Variants in SGCZ observed in about 807,000 individuals in gnomAD.
SGCZ encodes zeta-sarcoglycan.
Under a neutral mutation model 41.3 loss-of-function variants are expected in SGCZ, and 40 were observed. The observed-to-expected ratio is 0.97, with a 90% CI of 0.75 to 1.26. The LOEUF (loss-of-function observed/expected upper bound fraction) is 1.26, where lower values mean the gene tolerates loss of function less well. Among genes scored for constraint, SGCZ ranks in the 50% most tolerant of loss-of-function variants. The probability of loss-of-function intolerance (pLI) is 0.00; values close to 1 mark genes in which losing one functional copy is unlikely to be tolerated. For missense variants in SGCZ, 552 were observed against 369.8 expected, an observed-to-expected ratio of 1.49 and a Z score of -4.04; for synonymous variants, 206 against 137.5, an observed-to-expected ratio of 1.50 and a Z score of -3.49.
intron 1 of SGCZ, among the ~76,000 whole-genome samples, chr8:14,720,720 T>G (rs1186753325): frequency 6.6e-6 from 1 of 152,044 alleles, no homozygotes; most frequent in African/African-American, 2.4e-5. Context: ...GTTGAGTAGT[T>G]GCAACATAGA....
At chr8:14,712,066 C>G (rs1399221851) in intron 1 of SGCZ, among the ~76,000 whole-genome samples, 3 of 152,150 alleles carry the variant, frequency 2.0e-5, no homozygotes, top group African/African-American at 7.2e-5. Context: ...GTCAGGAGTT[C>G]AAGACCAGCC....
At chr8:14,695,286 T>TAAAGAACCATAAAGA (rs1808923593) in intron 1 of SGCZ, among the ~76,000 whole-genome samples, 2 of 152,052 alleles carry the variant, frequency 1.3e-5, no homozygotes, top group Admixed American at 1.3e-4. Context: ...GAAAAACCTA[T>TAAAGAACCATAAAGA]AACCATAAAG....
At chr8:14,520,998 G>C (rs985155551) in intron 2 of SGCZ, among the ~76,000 whole-genome samples, 2 of 152,048 alleles carry the variant, frequency 1.3e-5, no homozygotes, top group African/African-American at 2.4e-5. Flanking sequence ...TACAATTTTT[G>C]TTTTGAAATT....
chr8:14,876,349 C>T (rs1020352371), intron 1 of SGCZ, among the ~76,000 whole-genome samples: 1 of 152,144 alleles, frequency 6.6e-6, no homozygotes, highest in African/African-American at 2.4e-5. Context: ...GCAGGTAAAG[C>T]TGTGCATAAG....
chr8:14,497,931 C>T lies in SGCZ; in HGVS notation c.234+56801G>A, dbSNP rs562332128. Among the ~76,000 whole-genome samples, 5 of 152,288 alleles carry T rather than the reference C, an allele frequency of 3.3e-5. No homozygotes were observed. The South Asian group carries it at 1.0e-3, about 32-fold the overall frequency. On this transcript the variant is annotated intron_variant, in intron 2 of 7. Transcript: ENST00000382080. ...CAAAATGTTTACAACCATTTACTTT[C>T]CCATCCATTGCCCATAAAGGTTGTT...
At chr8:14,316,481 A>C (rs1259131187) in intron 3 of SGCZ, among the ~76,000 whole-genome samples, 1 of 151,982 alleles carries the variant, frequency 6.6e-6, no homozygotes, top group Non-Finnish European at 1.5e-5. Flanking sequence ...ACTCAACTGT[A>C]ATTTACATGA....
intron 1 of SGCZ, among the ~76,000 whole-genome samples, chr8:14,597,265 T>C (rs972293587): frequency 6.6e-6 from 1 of 152,222 alleles, no homozygotes; most frequent in African/African-American, 2.4e-5. Flanking sequence ...AAGGAAACTT[T>C]GGTGTGTGGC....
At chr8:14,398,703 A>C (rs1319209277) in intron 2 of SGCZ, among the ~76,000 whole-genome samples, 5 of 152,124 alleles carry the variant, frequency 3.3e-5, no homozygotes, top group African/African-American at 1.2e-4. Flanking sequence ...ATTCTTCCTG[A>C]TTTACAGAAA....
rs138279931 is a variant in SGCZ, at chr8:15,111,963, G to A, written c.39+125622C>T. 5.4e-3 allele frequency among the ~76,000 whole-genome samples: 819 copies of A among 151,346 alleles called. 37 individuals are homozygous for A. Among genetic ancestry groups the A allele is most frequent in the Admixed American group, 0.049 (749 of 15,188 alleles). ...TCTTTATTTCATTCCTTCGTTACTT[G>A]GTGCGTTTTGTTCAATTCTTTGTAA... On this transcript the variant is annotated intron_variant, in intron 1 of 7. Transcript: ENST00000382080.
intron 1 of SGCZ, among the ~76,000 whole-genome samples, chr8:15,047,818 C>CA (rs1298879144): frequency 6.6e-6 from 1 of 151,880 alleles, no homozygotes. Flanking sequence ...TGGCTATTAT[C>CA]AAAAAGACAA....
chr8:14,370,105 G>A (rs1227028498), intron 2 of SGCZ, among the ~76,000 whole-genome samples: 1 of 151,964 alleles, frequency 6.6e-6, no homozygotes, highest in Non-Finnish European at 1.5e-5. Flanking sequence ...GTAAGATGAA[G>A]GGGTAAGATG....
intron 2 of SGCZ, among the ~76,000 whole-genome samples, chr8:14,434,894 C>A (rs1025066209): frequency 2.0e-5 from 3 of 152,126 alleles, no homozygotes; most frequent in African/African-American, 7.2e-5. Flanking sequence ...GATCGTGCCA[C>A]TGCACTCAAG....
At chr8:14,894,873 C>A (rs377315344) in intron 1 of SGCZ, among the ~76,000 whole-genome samples, 2 of 152,066 alleles carry the variant, frequency 1.3e-5, no homozygotes, top group East Asian at 3.9e-4. Context: ...GCAGGAGACA[C>A]AAACAATTCA....
intron 2 of SGCZ, among the ~76,000 whole-genome samples, chr8:14,494,393 A>G (rs559393616): frequency 1.3e-5 from 2 of 152,098 alleles, no homozygotes; most frequent in African/African-American, 4.8e-5. Context: ...GAATGTCAGA[A>G]TCCCATGAGC....
chr8:14,290,490 C>T (rs549657560), intron 3 of SGCZ, among the ~76,000 whole-genome samples: 5 of 151,932 alleles, frequency 3.3e-5, no homozygotes, highest in Non-Finnish European at 7.4e-5. Flanking sequence ...AACTCAATAA[C>T]AACAAAATAA....
rs572690345 is a variant in SGCZ at position 14,863,462 on chromosome 8, C to G, written c.40-308536G>C. On this transcript the variant is annotated intron_variant, in intron 1 of 7. Transcript: ENST00000382080. ...ACCTCAGCCTCCCAAGCAGCTGGGACTACAGGTACTCACCACTATGATCAG... is the reference window on the plus strand; with the variant it reads ...ACCTCAGCCTCCCAAGCAGCTGGGAGTACAGGTACTCACCACTATGATCAG... Among the ~76,000 whole-genome samples, 4 of 152,130 alleles carry G rather than the reference C, an allele frequency of 2.6e-5. No homozygotes were observed. The South Asian group carries it at 8.3e-4, about 32-fold the overall frequency.
chr8:14,103,151 A>G (rs1802087095), intron 6 of SGCZ, among the ~76,000 whole-genome samples: 1 of 152,122 alleles, frequency 6.6e-6, no homozygotes, highest in Non-Finnish European at 1.5e-5. Flanking sequence ...TAGGAGGGTA[A>G]TATACAAGTA....
chr8:14,527,451 C>A (rs570730348), intron 2 of SGCZ, among the ~76,000 whole-genome samples: 4 of 152,224 alleles, frequency 2.6e-5, no homozygotes, highest in African/African-American at 9.6e-5. Context: ...ACAGATGTTG[C>A]CACCACACCC....
rs73525522 is a variant in SGCZ, at chr8:14,670,283, T to G, written c.40-115357A>C. The stretch of plus-strand genomic sequence containing the variant: ...ACTATGGTTGGTGATATGAACACAT[T>G]AATTTGTAGCATAAACAACTATTTA... On this transcript the variant is annotated intron_variant, in intron 1 of 7. Transcript: ENST00000382080. 6.6e-3 allele frequency among the ~76,000 whole-genome samples: 980 copies of G among 148,250 alleles called. 10 individuals are homozygous for G. The highest frequency in any genetic ancestry group is 0.023 in the African/African-American group (923 of 39,554).
Sources: gnomAD v4.1 joint callset for allele counts (sites outside exome capture counted in the v4.1 genomes callset) on GRCh38, gnomAD v4.1.1 for gene constraint, MANE v1.5 for transcripts, NCBI Gene and HGNC (gene_info 2026-07-23, HGNC 2026-07-21) for gene names.